CBL: variants seen among roughly 807,000 people sequenced by gnomAD.
CBL encodes the protein E3 ubiquitin-protein ligase CBL.
A neutral mutation model predicts 96.9 loss-of-function variants in CBL; 45 were observed. That is an observed-to-expected ratio of 0.46 (90% CI 0.37 to 0.60). The LOEUF (loss-of-function observed/expected upper bound fraction) is 0.60, where lower values mean the gene tolerates loss of function less well. Ranked by LOEUF, CBL falls within the 20% of genes least tolerant of loss-of-function variation. The probability of loss-of-function intolerance (pLI) is 0.00; values close to 1 mark genes in which losing one functional copy is unlikely to be tolerated. For synonymous variants in CBL, 420 were observed against 426.8 expected (o/e 0.98, Z 0.20); for missense variants, 1,024 against 1,143.5 (o/e 0.90, Z 1.51).
chr11:119,284,700 CTG>C (rs1949966539), intron 9 of CBL, among the ~76,000 whole-genome samples: 1 of 151,996 alleles, frequency 6.6e-6, no homozygotes. Flanking sequence ...TTTTGTAGCC[CTG>C]TCCTTTCTAG....
rs182848182 is a variant in CBL, at chr11:119,305,658, T to G, written c.*5877T>G. ...GATAGAAATTAAATATAGATTCCAG[T>G]TTAGGATAGAGTTTTTACCGAGAGC... On this transcript the variant is annotated 3_prime_UTR_variant, in exon 16 of 16. Transcript: ENST00000264033. 5.8e-5 allele frequency: 13 copies of G among 224,748 alleles called. No homozygotes were observed. Among genetic ancestry groups the G allele is most frequent in the African/African-American group, 2.4e-4 (11 of 45,002 alleles). The allele number at this position is 224,748 out of a possible 1,614,324, so 13.9% of individuals were successfully genotyped here.
At chr11:119,277,273 A>ACACACACACACACACAC (rs1555229989) in intron 6 of CBL, among the ~76,000 whole-genome samples, 4 of 151,872 alleles carry the variant, frequency 2.6e-5, no homozygotes, top group African/African-American at 9.7e-5. Flanking sequence ...ACACACACAT[A>ACACACACACACACACAC]AAGAATTTCT....
At chr11:119,221,110 A>G (rs1949406183) in intron 1 of CBL, among the ~76,000 whole-genome samples, 1 of 151,764 alleles carries the variant, frequency 6.6e-6, no homozygotes, top group Non-Finnish European at 1.5e-5. Flanking sequence ...CGGGCGTGGT[A>G]GTGCGCGCCT....
intron 9 of CBL, among the ~76,000 whole-genome samples, chr11:119,281,125 C>T (rs1290462451): frequency 6.6e-6 from 1 of 152,184 alleles, no homozygotes; most frequent in African/African-American, 2.4e-5. Flanking sequence ...TAGGAGTCAT[C>T]TGTGTTCCGC....
Position 119,306,429 on chromosome 11 carries a change from T to G in CBL, c.*6648T>G, listed in dbSNP as rs544221090. 2.3e-3 allele frequency: 928 copies of G among 398,054 alleles called. 3 individuals are homozygous for G. The highest frequency in any genetic ancestry group is 3.6e-3 in the Non-Finnish European group (822 of 225,884). The allele number at this position is 398,054 out of a possible 1,614,324, so 24.7% of individuals were successfully genotyped here. On this transcript the variant is annotated 3_prime_UTR_variant, in exon 16 of 16. Transcript: ENST00000264033. Reference sequence around the variant, plus strand: ...CAACATTGCCTCTCCTACATTCTCCTTCTGCCCCTAAATCAGACAGGAGGC... The same window carrying G: ...CAACATTGCCTCTCCTACATTCTCCGTCTGCCCCTAAATCAGACAGGAGGC...
intron 2 of CBL, among the ~76,000 whole-genome samples, chr11:119,257,040 GCAGGT>G (rs1385268673): frequency 6.6e-6 from 1 of 152,180 alleles, no homozygotes; most frequent in East Asian, 1.9e-4. Context: ...ACATATACGT[GCAGGT>G]CCTTTTCATA....
At chr11:119,284,673 T>C (rs1173974885) in intron 9 of CBL, among the ~76,000 whole-genome samples, 1 of 152,208 alleles carries the variant, frequency 6.6e-6, no homozygotes, top group South Asian at 2.1e-4. Flanking sequence ...ATTTTTAAAG[T>C]TGTAAACTAG....
chr11:119,258,160 G>A (rs564293619), intron 2 of CBL, among the ~76,000 whole-genome samples: 22 of 152,256 alleles, frequency 1.4e-4, no homozygotes, highest in East Asian at 3.9e-4. Flanking sequence ...CCTGGGAGGC[G>A]GAGGTTGCAG....
intron 2 of CBL, among the ~76,000 whole-genome samples, chr11:119,255,730 G>C (rs1949706285): frequency 6.6e-6 from 1 of 151,838 alleles, no homozygotes; most frequent in Admixed American, 6.6e-5. Context: ...GCTTTTGCAG[G>C]GTACATTTAG....
intron 1 of CBL, among the ~76,000 whole-genome samples, chr11:119,230,732 G>A (rs117022981): frequency 1.1e-3 from 168 of 152,210 alleles, no homozygotes; most frequent in African/African-American, 3.7e-3. Context: ...TAATGTCACC[G>A]CTGATACTGA....
At chr11:119,288,608 T>TA (rs1345370116) in intron 12 of CBL, among the ~76,000 whole-genome samples, 1 of 152,138 alleles carries the variant, frequency 6.6e-6, no homozygotes, top group Non-Finnish European at 1.5e-5. Flanking sequence ...CATCTCCAAA[T>TA]ACAGCCACCC....
At chr11:119,261,639 A>G (rs1949754897) in intron 2 of CBL, among the ~76,000 whole-genome samples, 1 of 152,236 alleles carries the variant, frequency 6.6e-6, no homozygotes, top group Admixed American at 6.5e-5. Flanking sequence ...ACTGGTGTAG[A>G]GAAGTAGTAA....
intron 2 of CBL, among the ~76,000 whole-genome samples, chr11:119,268,833 C>T (rs1375714283): frequency 6.6e-6 from 1 of 152,212 alleles, no homozygotes; most frequent in African/African-American, 2.4e-5. Context: ...CTGTTTGCTT[C>T]AGAAAGAGCT....
At chr11:119,234,542 G>GT in intron 2 of CBL, among the ~76,000 whole-genome samples, 1 of 152,284 alleles carries the variant, frequency 6.6e-6, no homozygotes, top group East Asian at 1.9e-4. Context: ...TGTTTACCAT[G>GT]TACGTGAACT....
Position 119,278,010 on chromosome 11 carries a change from C to G in CBL, c.1096-156C>G, listed in dbSNP as rs1338041956. On this transcript the variant is annotated intron_variant, in intron 7 of 15. Transcript: ENST00000264033. ...CCTGGAGCTTAAAATAGGACCCAGA[C>G]TAGATGCTTTCTGGTTTAATAAAAA... Among the ~76,000 whole-genome samples the G allele has an allele frequency of 3.9e-5, 6 of 152,288 alleles. No homozygotes were observed. In the East Asian group the frequency reaches 1.2e-3, roughly 29 times the overall value.
rs552590011 is a variant in CBL, at chr11:119,285,516, A to G, written c.1891A>G (p.Arg631Gly). ...PFSLPSQMEP[R>G]PDVPRLGSTF... ...TTCATTGCCCTCACAAATGGAGCCCAGACCAGATGTGCCTAGGCTCGGAAG... is the reference window on the plus strand; with the variant it reads ...TTCATTGCCCTCACAAATGGAGCCCGGACCAGATGTGCCTAGGCTCGGAAG... The change falls in exon 11 of 16, where the codon AGA (arginine) becomes GGA (glycine). Residue 631 changes from arginine (R) to glycine (G), a missense_variant. By Grantham distance (125) the Arg-to-Gly change is moderately radical. This residue lies in a region of CBL where 695 missense variants were observed against 661.6 expected (regional missense o/e 1.05). Coordinates refer to ENST00000264033, the MANE Select transcript of CBL (RefSeq NM_005188.4). 1.2e-6 allele frequency: 2 copies of G among 1,614,218 alleles called. No homozygotes were observed. The highest frequency in any genetic ancestry group is 1.7e-5 in the Admixed American group (1 of 60,020).
intron 2 of CBL, among the ~76,000 whole-genome samples, chr11:119,236,492 A>G (rs533777581): frequency 2.6e-5 from 4 of 151,172 alleles, no homozygotes; most frequent in Non-Finnish European, 4.4e-5. Context: ...TGTCATTTCT[A>G]CTTTTTGGCT....
intron 12 of CBL, among the ~76,000 whole-genome samples, chr11:119,290,450 G>A (rs1950017730): frequency 6.6e-6 from 1 of 150,802 alleles, no homozygotes; most frequent in African/African-American, 2.4e-5. Context: ...AGGAGATTGA[G>A]ACCATCCTGG....
chr11:119,255,314 G>A (rs903481377), intron 2 of CBL, among the ~76,000 whole-genome samples: 16 of 152,202 alleles, frequency 1.1e-4, no homozygotes, highest in African/African-American at 3.1e-4. Flanking sequence ...AAGCAATCCA[G>A]AAAGAACAAA....
Sources: gnomAD v4.1 joint callset for allele counts (sites outside exome capture counted in the v4.1 genomes callset) on GRCh38, gnomAD v4.1.1 for gene constraint, gnomAD v4.1.1 regional missense constraint, MANE v1.5 for transcripts, NCBI Gene and HGNC (gene_info 2026-07-23, HGNC 2026-07-21) for gene names.